Variants in PLEKHH3 observed in about 807,000 individuals in gnomAD.
PLEKHH3 encodes pleckstrin homology domain-containing family H member 3.
A neutral mutation model predicts 77.8 loss-of-function variants in PLEKHH3; 57 were observed. The observed-to-expected ratio is 0.73, with a 90% CI of 0.59 to 0.91. The LOEUF is 0.91. Ranked by LOEUF, PLEKHH3 falls within the 40% of genes least tolerant of loss-of-function variation. The probability of loss-of-function intolerance (pLI) is 0.00; values close to 1 mark genes in which losing one functional copy is unlikely to be tolerated. For synonymous variants in PLEKHH3, 467 were observed against 504.8 expected (o/e 0.93, Z 1.00); for missense variants, 1,082 against 1,091.2 (o/e 0.99, Z 0.12).
At position 42,676,245 on chromosome 17, in the gene PLEKHH3, C is replaced by T. The variant is rs964477982; in HGVS notation, c.162+157G>A. 6.6e-6 allele frequency among the ~76,000 whole-genome samples: 1 copy of T among 152,242 alleles called. No homozygotes were observed. Among genetic ancestry groups the T allele is most frequent in the Non-Finnish European group, 1.5e-5 (1 of 68,036 alleles). ...CACATCCCGAGTAGGGCTGCTGCTCCGAGAGCTCCCGGGGGCTTTGGCCCC... is the reference window on the plus strand; with the variant it reads ...CACATCCCGAGTAGGGCTGCTGCTCTGAGAGCTCCCGGGGGCTTTGGCCCC... On this transcript the variant is annotated intron_variant, in intron 1 of 12. Transcript: ENST00000591022. The surrounding 1 kb of genome is among the most constrained non-coding windows in gnomAD (Gnocchi z 6.6).
rs137859811 is a variant in PLEKHH3 at position 42,671,506 on chromosome 17, G to A, written c.1129C>T (p.Arg377Trp). Reference sequence around the variant, plus strand: ...CCGCGCGTCCGGCCCAGCGCTTTCCGGATGAAGCGCGCATATTCCGCCAGT... The same window carrying A: ...CCGCGCGTCCGGCCCAGCGCTTTCCAGATGAAGCGCGCATATTCCGCCAGT... ...SELAEYARFI[R>W]KALGRTRGRE... The change falls in exon 8 of 13, where the codon CGG becomes TGG. Residue 377 changes from arginine to tryptophan, a missense_variant. This residue lies in a region of PLEKHH3 where 733 missense variants were observed against 750.0 expected (regional missense o/e 0.98). Transcript: ENST00000591022. The surrounding 1 kb of genome is among the most constrained non-coding windows in gnomAD (Gnocchi z 4.7). 1 of 1,612,978 alleles carries A rather than the reference G, an allele frequency of 6.2e-7. No individual in the cohort carries two copies. The highest frequency in any genetic ancestry group is 8.5e-7 in the Non-Finnish European group (1 of 1,179,930).
Position 42,676,192 on chromosome 17 carries a change from G to A in PLEKHH3, c.162+210C>T. The A allele has an allele frequency of 2.2e-6, 3 of 1,369,416 alleles. No individual in the cohort carries two copies. Among genetic ancestry groups the A allele is most frequent in the South Asian group, 3.2e-5 (2 of 62,422 alleles). 84.8% of individuals were successfully genotyped at this position (1,369,416 alleles called of 1,614,324 possible). A position where few individuals can be genotyped will look rare whatever the true frequency, so the allele number is the denominator to read the frequency against. ...TCAGGGCCCCCAGCAGGTGGATAGC[G>A]CCCAGCCTGCAGCGGGAGGCCCACA... On this transcript the variant is annotated intron_variant, in intron 1 of 12. Transcript: ENST00000591022. This position sits in a 1 kb window ranked among gnomAD's most constrained non-coding sequence, Gnocchi z 6.6.
Position 42,668,293 on chromosome 17 carries a change from A to G in PLEKHH3, c.2216T>C (p.Ile739Thr), listed in dbSNP as rs779690858. The change falls in exon 13 of 13, where the codon ATC becomes ACC. Residue 739 changes from isoleucine (I) to threonine (T), a missense_variant. Around this residue, in one of 3 missense-constraint regions of PLEKHH3, gnomAD observed 733 missense variants for 750.0 expected, o/e 0.98. Transcript: ENST00000591022. Reference sequence around the variant, plus strand: ...CAAGTAGGCATTCACCAGCTGCATGATCTCTTCCACCTAAGAGAGGGCAGA... The same window carrying G: ...CAAGTAGGCATTCACCAGCTGCATGGTCTCTTCCACCTAAGAGAGGGCAGA... ...LLLQSPQVEEIMQLVNAYLAN... is the reference protein window; with the variant it reads ...LLLQSPQVEETMQLVNAYLAN... 3 of 1,548,988 alleles carry G rather than the reference A, an allele frequency of 1.9e-6. No individual in the cohort carries two copies. The East Asian group carries it at 7.5e-5, about 39-fold the overall frequency.
intron 12 of PLEKHH3, 66 bp from the exon 13 acceptor site, chr17:42,668,369 C>A: frequency 1.4e-6 from 2 of 1,398,068 alleles, no homozygotes; most frequent in Non-Finnish European, 1.9e-6. Context: ...CTCATCCTTT[C>A]TCCAGGCTCT....
At position 42,670,035 on chromosome 17, in the gene PLEKHH3, G is replaced by A. The variant is rs758933199; in HGVS notation, c.1896C>T (p.Gly632=). The A allele has an allele frequency of 1.1e-4, 171 of 1,548,124 alleles. No individual in the cohort carries two copies. The African/African-American group carries it at 2.1e-3, about 19-fold the overall frequency. Residue 632 remains glycine, a synonymous_variant, in exon 11 of 13, where the codon GGC becomes GGT. Transcript: ENST00000591022. ...GGAGTAAAVL[G]GWKRLRGMGR... ...CCATGCCCCGTAGCCGCTTCCAGCC[G>A]CCCAGCACGGCAGCTGCCGTGCCGG...
rs2052836984 is a variant in PLEKHH3 at position 42,676,749 on chromosome 17, G to A, written c.-186C>T. On this transcript the variant is annotated 5_prime_UTR_variant, in exon 1 of 13. Coordinates refer to ENST00000591022, the MANE Select transcript of PLEKHH3 (RefSeq NM_024927.5). This position sits in a 1 kb window ranked among gnomAD's most constrained non-coding sequence, Gnocchi z 6.6. ...AGGGGACGCTAGCCAGACGCTGAGG[G>A]GGGCTCAGTGTCTGGGCCCCCGGAG... The A allele has an allele frequency of 3.2e-6, 2 of 629,766 alleles. No individual in the cohort carries two copies. The highest frequency in any genetic ancestry group is 5.6e-6 in the Non-Finnish European group (2 of 360,288). The allele number at this position is 629,766 out of a possible 1,614,324, so 39.0% of individuals were successfully genotyped here.
Position 42,672,207 on chromosome 17 carries a change from G to A in PLEKHH3, c.955C>T (p.Pro319Ser). 6.4e-7 allele frequency: 1 copy of A among 1,551,260 alleles called. No homozygotes were observed. Among genetic ancestry groups the A allele is most frequent in the Non-Finnish European group, 8.7e-7 (1 of 1,147,120 alleles). Residue 319 changes from proline (P) to serine (S), a missense_variant, in exon 7 of 13, where the codon CCC becomes TCC. By Grantham distance (74) the Pro-to-Ser change is moderately conservative. This residue lies in a region of PLEKHH3 where 733 missense variants were observed against 750.0 expected (regional missense o/e 0.98). Coordinates refer to ENST00000591022, the MANE Select transcript of PLEKHH3 (RefSeq NM_024927.5). ...GGGTCTTGGGTAGCCGGGAGCCCGGGGGGACCTGCAGGGCCCGAGGTCTGC... is the reference window on the plus strand; with the variant it reads ...GGGTCTTGGGTAGCCGGGAGCCCGGAGGGACCTGCAGGGCCCGAGGTCTGC... ...AKQTSGPAGP[P>S]GLPATQDPAA...
At chr17:42,672,479 A>T in intron 6 of PLEKHH3, 87 bp from the exon 7 acceptor site, 2 of 1,195,066 alleles carry the variant, frequency 1.7e-6, no homozygotes, top group Non-Finnish European at 2.3e-6. Flanking sequence ...GGGGAAGGTC[A>T]GAGGGAATAT....
Position 42,670,649 on chromosome 17 carries a change from C to G in PLEKHH3, c.1478G>C (p.Cys493Ser). The G allele has an allele frequency of 1.2e-6, 2 of 1,613,280 alleles. No individual in the cohort carries two copies. The highest frequency in any genetic ancestry group is 1.7e-6 in the Non-Finnish European group (2 of 1,179,922). ...EDSPDSGWRL[C>S]LRLHGPLHPE... is the part of the protein sequence containing the mutation. ...GTGCAGAGGTCCGTGAAGACGCAGA[C>G]ATAGTCTCCACCCGGAGTCGGGCGA... Residue 493 changes from cysteine to serine, a missense_variant, in exon 10 of 13, where the codon TGT (cysteine) becomes TCT (serine). This residue lies in a region of PLEKHH3 where 733 missense variants were observed against 750.0 expected (regional missense o/e 0.98). Coordinates refer to ENST00000591022, the MANE Select transcript of PLEKHH3 (RefSeq NM_024927.5).
intron 1 of PLEKHH3, among the ~76,000 whole-genome samples, chr17:42,675,181 G>A (rs542575216): frequency 6.6e-6 from 1 of 152,028 alleles, no homozygotes; most frequent in African/African-American, 2.4e-5. Flanking sequence ...AACCCAACCC[G>A]GAGGCCAGTC....
At position 42,676,435 on chromosome 17, in the gene PLEKHH3, C is replaced by G; in HGVS notation, c.129G>C (p.Glu43Asp). 1 of 1,613,506 alleles carries G rather than the reference C, an allele frequency of 6.2e-7. No homozygotes were observed. The highest frequency in any genetic ancestry group is 8.5e-7 in the Non-Finnish European group (1 of 1,179,958). The stretch of plus-strand genomic sequence containing the variant: ...CGCCCGCTGGACTCGGGGTCCGCAG[C>G]TCAAAGGTTTCCTCGTCCTCGTCCT... ...GDEDEDEETF[E>D]LRTPSPAGGG... Residue 43 changes from glutamate (E) to aspartate (D), a missense_variant, in exon 1 of 13, where the codon GAG (glutamate) becomes GAC (aspartate). Around this residue, in one of 3 missense-constraint regions of PLEKHH3, gnomAD observed 344 missense variants for 320.8 expected, o/e 1.07. Transcript: ENST00000591022. This position sits in a 1 kb window ranked among gnomAD's most constrained non-coding sequence, Gnocchi z 6.6.
chr17:42,670,777 G>A (rs2052681577), intron 9 of PLEKHH3, 72 bp from the exon 10 acceptor site: 1 of 1,554,068 alleles, frequency 6.4e-7, no homozygotes, highest in African/African-American at 1.4e-5. Context: ...TGGGGTGGGG[G>A]CGGGGCCATG....
chr17:42,668,351 T>C, intron 12 of PLEKHH3, 48 bp from the exon 13 acceptor site: 2 of 1,447,338 alleles, frequency 1.4e-6, no homozygotes, highest in South Asian at 1.5e-5. Context: ...CCAGGTTCTC[T>C]TCTTTTTCTC....
At chr17:42,668,729 T>A (rs1198939064) in intron 12 of PLEKHH3, 1 of 153,636 alleles carries the variant, frequency 6.5e-6, no homozygotes, top group Non-Finnish European at 1.4e-5. Flanking sequence ...AGTGCTGGGA[T>A]TACAGGCGTG....
Position 42,670,212 on chromosome 17 carries a change from C to A in PLEKHH3, c.1719G>T (p.Pro573=). ...GGGGCGGCCTGGGGGTCGGGCGGGG[C>A]GGGTCTTCGCGCGGCGGGGCCGGGG... is the stretch of plus-strand genomic sequence containing the variant. ...LPPPAPPRED[P]PRPTPRPPPS... The change falls in exon 11 of 13, where the codon CCG becomes CCT. Residue 573 remains proline (P), a synonymous_variant. Coordinates refer to ENST00000591022, the MANE Select transcript of PLEKHH3 (RefSeq NM_024927.5). 1 of 1,147,140 alleles carries A rather than the reference C, an allele frequency of 8.7e-7. No homozygotes were observed. The highest frequency in any genetic ancestry group is 1.1e-6 in the Non-Finnish European group (1 of 928,002). 71.1% of individuals were successfully genotyped at this position (1,147,140 alleles called of 1,614,324 possible).
chr17:42,668,334 G>GTGCAACAA, intron 12 of PLEKHH3, 31 bp from the exon 13 acceptor site: 1 of 1,477,522 alleles, frequency 6.8e-7, no homozygotes, highest in African/African-American at 1.5e-5. Flanking sequence ...GTGTGCAACA[G>GTGCAACAA]GGGCTGCCAG....
At chr17:42,669,817 TG>T (rs1248025542) in intron 11 of PLEKHH3, 100 bp downstream of exon 11, 2 of 1,554,144 alleles carry the variant, frequency 1.3e-6, no homozygotes, top group African/African-American at 2.7e-5. Flanking sequence ...GTAGCTGTTC[TG>T]GATGTGGGGA....
At position 42,669,641 on chromosome 17, in the gene PLEKHH3, G is replaced by T; in HGVS notation, c.2014-20C>A. On this transcript the variant is annotated intron_variant, in intron 11 of 12. Transcript: ENST00000591022. ...AGGCTCCTGCAGACAGAGAGGCAGA[G>T]TCAGGGTGGAAGGAGGAGCCCAGCG... The T allele has an allele frequency of 1.9e-6, 3 of 1,593,032 alleles. No individual in the cohort carries two copies. Among genetic ancestry groups the T allele is most frequent in the Non-Finnish European group, 2.6e-6 (3 of 1,164,878 alleles).
rs201016970 is a variant in PLEKHH3, at chr17:42,672,093, A to G, written c.1069T>C (p.Leu357=). Reference sequence around the variant, plus strand: ...CCACCTCGCCCCTCTCACCTCTCCAAGTGCCCCAGGAGGTGCCCCCGCACA... The same window carrying G: ...CCACCTCGCCCCTCTCACCTCTCCAGGTGCCCCAGGAGGTGCCCCCGCACA... The part of the protein sequence containing the change: ...GAVRGHLLGH[L]ERTEQALPDS... The change falls in exon 7 of 13, where the codon TTG becomes CTG. Residue 357 remains leucine (L), a synonymous_variant. Transcript: ENST00000591022. 8.1e-6 allele frequency: 12 copies of G among 1,479,462 alleles called. No individual in the cohort carries two copies. The East Asian group carries it at 3.0e-4, about 37-fold the overall frequency. 91.6% of individuals were successfully genotyped at this position (1,479,462 alleles called of 1,614,324 possible).
Sources: gnomAD v4.1 joint callset for allele counts (sites outside exome capture counted in the v4.1 genomes callset) on GRCh38, gnomAD v4.1.1 for gene constraint, gnomAD v4.1.1 regional missense constraint, Gnocchi (gnomAD v3.1) non-coding constraint, MANE v1.5 for transcripts, NCBI Gene and HGNC (gene_info 2026-07-23, HGNC 2026-07-21) for gene names.